The following RASGRF1 variants were observed in gnomAD, a reference collection of about 807,000 sequenced individuals.
The protein encoded by RASGRF1 is Ras protein specific guanine nucleotide releasing factor 1.
RASGRF1 carries 40 observed loss-of-function variants against 138.7 expected under a neutral mutation model. That is an observed-to-expected ratio of 0.29 (90% CI 0.22 to 0.38). RASGRF1 has a LOEUF of 0.38. RASGRF1 is among the 10% of genes least tolerant of loss of function. RASGRF1 has a pLI of 1.00. For missense variants in RASGRF1, 1,108 were observed against 1,650.4 expected (o/e 0.67, Z 5.69); for synonymous variants, 614 against 663.2 (o/e 0.93, Z 1.14).
chr15:79,046,807 C>T lies in RASGRF1; in HGVS notation c.817G>A (p.Ala273Thr). 6.2e-7 allele frequency: 1 copy of T among 1,614,236 alleles called. No homozygotes were observed. ...ATGGGAGGCTTCTTGGAGCTGGCGG[C>T]CATCCGCAGCGGGCGCAGGAAATTG... ...VNNFLRPLRMAASSKKPPITH... is the reference protein window; with the variant it reads ...VNNFLRPLRMTASSKKPPITH... Residue 273 changes from alanine to threonine, a missense_variant, in exon 5 of 27, where the codon GCC (alanine) becomes ACC (threonine). Transcript: ENST00000558480. This position sits in a 1 kb window ranked among gnomAD's most constrained non-coding sequence, Gnocchi z 5.3.
intron 5 of RASGRF1, among the ~76,000 whole-genome samples, chr15:79,041,290 C>T (rs1199264167): frequency 1.3e-5 from 2 of 152,238 alleles, no homozygotes; most frequent in African/African-American, 4.8e-5. Context: ...CTATCTGGCT[C>T]TTTACAGAAT....
intron 13 of RASGRF1, among the ~76,000 whole-genome samples, chr15:79,014,415 G>A (rs2056846043): frequency 6.6e-6 from 1 of 152,198 alleles, no homozygotes; most frequent in Admixed American, 6.5e-5. Flanking sequence ...GGCCATAAAA[G>A]GGAATGAATT....
chr15:79,025,857 C>T lies in RASGRF1; in HGVS notation c.1382-383G>A, dbSNP rs2057039862. Among the ~76,000 whole-genome samples, 3 of 151,924 alleles carry T rather than the reference C, an allele frequency of 2.0e-5. No homozygotes were observed. In the South Asian group the frequency reaches 6.2e-4, roughly 32 times the overall value. ...AGGGGTTAACAAGATACATTGCACT[C>T]CTGCTGGGAACTACTTAGGGCAAAC... On this transcript the variant is annotated intron_variant, in intron 9 of 26. Transcript: ENST00000558480.
intron 10 of RASGRF1, among the ~76,000 whole-genome samples, chr15:79,020,500 A>C (rs1168404521): frequency 3.3e-5 from 5 of 152,228 alleles, no homozygotes; most frequent in Non-Finnish European, 7.3e-5. Flanking sequence ...CAGGTTACCC[A>C]CAGGAAGACA....
intron 5 of RASGRF1, among the ~76,000 whole-genome samples, chr15:79,043,262 G>A (rs1289394737): frequency 6.6e-6 from 1 of 152,132 alleles, no homozygotes; most frequent in Non-Finnish European, 1.5e-5. Context: ...GATTCACTTT[G>A]CTATTTTGTA....
chr15:78,990,189 G>A lies in RASGRF1; in HGVS notation c.3216C>T (p.Asp1072=), dbSNP rs753553901. 7 of 1,585,878 alleles carry A rather than the reference G, an allele frequency of 4.4e-6. No homozygotes were observed. Among genetic ancestry groups the A allele is most frequent in the Non-Finnish European group, 5.2e-6 (6 of 1,154,434 alleles). The change falls in exon 22 of 27, where the codon GAC becomes GAT. Residue 1072 remains aspartate (D), a splice_region_variant and synonymous_variant. Transcript: ENST00000558480. ...YIMKTTKHFN[D]ISNLIASEII... ...GAGAGGCGCTCCCATCCATACTCAC[G>A]TCATTGAAGTGCTTAGTGGTTTTCA... is the stretch of plus-strand genomic sequence containing the variant.
chr15:78,969,760 C>G (rs374103837), intron 26 of RASGRF1, among the ~76,000 whole-genome samples: 1 of 152,208 alleles, frequency 6.6e-6, no homozygotes. Flanking sequence ...TGCTTCATTT[C>G]TTCCATGGTT....
intron 19 of RASGRF1, among the ~76,000 whole-genome samples, chr15:78,996,338 A>T (rs1037793870): frequency 6.6e-6 from 1 of 152,218 alleles, no homozygotes; most frequent in Non-Finnish European, 1.5e-5. Context: ...CCGCACGCTC[A>T]CAGTGATGGG....
intron 2 of RASGRF1, among the ~76,000 whole-genome samples, chr15:79,060,808 T>C (rs1305947180): frequency 6.6e-6 from 1 of 152,230 alleles, no homozygotes; most frequent in Non-Finnish European, 1.5e-5. Flanking sequence ...GTGAATTGCT[T>C]GAAAAATTAT....
chr15:79,058,942 C>T (rs2057547148), intron 2 of RASGRF1, among the ~76,000 whole-genome samples: 1 of 152,208 alleles, frequency 6.6e-6, no homozygotes, highest in African/African-American at 2.4e-5. Flanking sequence ...TTTTGTACCA[C>T]CACAACTCCC....
intron 8 of RASGRF1, among the ~76,000 whole-genome samples, chr15:79,030,097 C>T (rs1291097694): frequency 2.6e-5 from 4 of 152,286 alleles, no homozygotes; most frequent in Non-Finnish European, 5.9e-5. Flanking sequence ...CATCCTTGCC[C>T]TGATTCTCCA....
intron 1 of RASGRF1, among the ~76,000 whole-genome samples, chr15:79,084,657 C>A (rs2057956098): frequency 6.6e-6 from 1 of 152,172 alleles, no homozygotes; most frequent in Non-Finnish European, 1.5e-5. Context: ...GTGTCCTTAC[C>A]ATACTAGAGG....
intron 1 of RASGRF1, among the ~76,000 whole-genome samples, chr15:79,078,535 C>T (rs2057870703): frequency 6.6e-6 from 1 of 152,192 alleles, no homozygotes; most frequent in African/African-American, 2.4e-5. Context: ...AGGCAGTCCA[C>T]GGAGCAGGAA....
rs750657337 is a variant in RASGRF1 at position 78,980,624 on chromosome 15, T to C, written c.3490A>G (p.Lys1164Glu). The C allele has an allele frequency of 8.8e-6, 14 of 1,599,584 alleles. No homozygotes were observed. The highest frequency in any genetic ancestry group is 1.2e-5 in the Non-Finnish European group (14 of 1,167,562). The change falls in exon 24 of 27, where the codon AAA (lysine) becomes GAA (glutamate). Residue 1164 changes from lysine to glutamate, a missense_variant. By Grantham distance (56) the Lys-to-Glu change is moderately conservative. Transcript: ENST00000558480. ...GRFKNLREAL[K>E]NCDPPCVPYL... ...GACAAAACGACACACACTTACTTTT[T>C]CAGAGCTTCTCTGAGATTCTTAAAT...
intron 20 of RASGRF1, among the ~76,000 whole-genome samples, chr15:78,995,340 C>A (rs6495357): frequency 6.7e-6 from 1 of 148,484 alleles, no homozygotes; most frequent in Non-Finnish European, 1.5e-5. Flanking sequence ...TAGGCTGGAG[C>A]GTGCAGTGGA....
chr15:79,014,491 G>C (rs1198818583), intron 13 of RASGRF1, among the ~76,000 whole-genome samples: 1 of 152,200 alleles, frequency 6.6e-6, no homozygotes, highest in Non-Finnish European at 1.5e-5. Flanking sequence ...ACTCAGGGAT[G>C]GAAAACCAAA....
intron 13 of RASGRF1, 136 bp downstream of exon 13, chr15:79,015,191 A>G: frequency 1.3e-6 from 1 of 769,952 alleles, no homozygotes; most frequent in Admixed American, 2.8e-5. Context: ...ACAAGAAAAC[A>G]TCCAAAACAC....
At chr15:79,004,310 T>G in intron 14 of RASGRF1, 135 bp from the exon 15 acceptor site, 1 of 1,152,778 alleles carries the variant, frequency 8.7e-7, no homozygotes, top group Non-Finnish European at 1.2e-6. Flanking sequence ...AACCCATACT[T>G]GAGCTGATCC....
At chr15:78,979,243 T>C (rs1307243401) in intron 24 of RASGRF1, 5 of 1,199,488 alleles carry the variant, frequency 4.2e-6, no homozygotes, top group East Asian at 1.2e-4. Context: ...GTCAAGGCGA[T>C]GGCACACAGA....
Sources: allele counts gnomAD v4.1 joint callset (sites outside exome capture counted in the v4.1 genomes callset), GRCh38; gene constraint gnomAD v4.1.1; non-coding constraint Gnocchi (gnomAD v3.1); transcripts MANE v1.5; gene names NCBI Gene and HGNC (gene_info 2026-07-23, HGNC 2026-07-21).